NSUN3: variants seen among roughly 807,000 people sequenced by gnomAD.
NSUN3 encodes the protein tRNA (cytosine(34)-C(5))-methyltransferase, mitochondrial.
In NSUN3, 24 loss-of-function variants were observed where a neutral mutation model predicts 36.8. That is an observed-to-expected ratio of 0.65 (90% CI 0.47 to 0.92). NSUN3 has a LOEUF of 0.92. Ranked by LOEUF, NSUN3 falls within the 40% of genes least tolerant of loss-of-function variation. The pLI, the probability that NSUN3 is intolerant of heterozygous loss-of-function variation, is 0.00. For missense variants in NSUN3, 381 were observed against 392.8 expected (o/e 0.97, Z 0.25); for synonymous variants, 146 against 145.2 (o/e 1.01, Z -0.04).
chr3:94,084,520 T>C, intron 3 of NSUN3, 70 bp downstream of exon 3: 1 of 1,192,872 alleles, frequency 8.4e-7, no homozygotes, highest in Non-Finnish European at 1.2e-6. Flanking sequence ...TCTGAAAGTA[T>C]ATATGGGGAG....
chr3:94,119,859 A>G (rs978015059), intron 5 of NSUN3, among the ~76,000 whole-genome samples: 8 of 152,282 alleles, frequency 5.3e-5, no homozygotes, highest in Non-Finnish European at 8.8e-5. Flanking sequence ...TTTTGAGATT[A>G]ACCCAATTTG....
intron 5 of NSUN3, among the ~76,000 whole-genome samples, chr3:94,118,177 G>A (rs1049414158): frequency 6.6e-6 from 1 of 152,012 alleles, no homozygotes; most frequent in Admixed American, 6.6e-5. Context: ...ATTCTACATT[G>A]TAAACATGTA....
At chr3:94,085,877 TA>T (rs1298478757) in intron 3 of NSUN3, among the ~76,000 whole-genome samples, 1 of 152,132 alleles carries the variant, frequency 6.6e-6, no homozygotes, top group Non-Finnish European at 1.5e-5. Flanking sequence ...AAGCACTCTT[TA>T]AGTCCATTTT....
chr3:94,070,944 T>A (rs996087829), intron 2 of NSUN3, among the ~76,000 whole-genome samples: 1 of 152,254 alleles, frequency 6.6e-6, no homozygotes, highest in Non-Finnish European at 1.5e-5. Context: ...TTTGGGGATA[T>A]AACTCCAAAA....
Position 94,130,408 on chromosome 3 carries a change from C to T in NSUN3, c.*3918C>T, listed in dbSNP as rs560315826. ...AAGATAATGAAATCTTGCATAATGT[C>T]TGCATTTTTCCATTGATTGGAGTGC... On this transcript the variant is annotated 3_prime_UTR_variant, in exon 6 of 6. Transcript: ENST00000314622. Among the ~76,000 whole-genome samples the T allele has an allele frequency of 4.9e-4, 75 of 152,218 alleles. No individual in the cohort carries two copies. Among genetic ancestry groups the T allele is most frequent in the Admixed American group, 1.2e-3 (19 of 15,288 alleles).
At chr3:94,121,534 C>A (rs530459780) in intron 5 of NSUN3, among the ~76,000 whole-genome samples, 10 of 152,276 alleles carry the variant, frequency 6.6e-5, no homozygotes, top group Admixed American at 2.6e-4. Context: ...CTTCCTACCG[C>A]AGGATATTTA....
At chr3:94,121,597 T>C (rs2077462239) in intron 5 of NSUN3, among the ~76,000 whole-genome samples, 1 of 152,146 alleles carries the variant, frequency 6.6e-6, no homozygotes, top group South Asian at 2.1e-4. Flanking sequence ...CCTTTTTTGT[T>C]TCCATGGGGA....
intron 5 of NSUN3, among the ~76,000 whole-genome samples, chr3:94,105,512 A>T (rs1396096732): frequency 1.3e-5 from 2 of 152,230 alleles, no homozygotes; most frequent in South Asian, 4.1e-4. Context: ...TTAGGAAAAG[A>T]TGGTCATTTT....
chr3:94,078,254 G>C (rs1560030974), intron 2 of NSUN3, among the ~76,000 whole-genome samples: 1 of 152,184 alleles, frequency 6.6e-6, no homozygotes. Context: ...GCGGTTTTGA[G>C]TGAGTTTCTT....
chr3:94,121,524 C>G (rs1411404422), intron 5 of NSUN3, among the ~76,000 whole-genome samples: 1 of 152,160 alleles, frequency 6.6e-6, no homozygotes, highest in Non-Finnish European at 1.5e-5. Context: ...GGTTTTCATT[C>G]TTCCTACCGC....
intron 3 of NSUN3, among the ~76,000 whole-genome samples, chr3:94,090,954 A>G (rs1284812058): frequency 6.6e-6 from 1 of 152,216 alleles, no homozygotes; most frequent in Non-Finnish European, 1.5e-5. Flanking sequence ...TAAACCAGGA[A>G]GAAATTGTCC....
In NSUN3 at chr3:94,064,382, G is replaced by T. The variant is rs1161021801; in HGVS notation, c.13-55G>T. 4.8e-6 allele frequency: 5 copies of T among 1,038,896 alleles called. No individual in the cohort carries two copies. In the Admixed American group the frequency reaches 8.8e-5, roughly 18 times the overall value. The allele number at this position is 1,038,896 out of a possible 1,614,324, so 64.4% of individuals were successfully genotyped here. A position where few individuals can be genotyped will look rare whatever the true frequency, so the allele number is the denominator to read the frequency against. On this transcript the variant is annotated intron_variant, in intron 1 of 5. Transcript: ENST00000314622. ...AAAAAAAGACCTTGCTAATGTTGACGTTCAGTAAATTTGTAATATCACTGT... is the reference window on the plus strand; with the variant it reads ...AAAAAAAGACCTTGCTAATGTTGACTTTCAGTAAATTTGTAATATCACTGT...
Position 94,126,404 on chromosome 3 carries a change from C to A in NSUN3, c.937C>A (p.Leu313Ile). The A allele has an allele frequency of 2.5e-6, 4 of 1,614,034 alleles. No individual in the cohort carries two copies. Among genetic ancestry groups the A allele is most frequent in the Non-Finnish European group, 3.4e-6 (4 of 1,179,968 alleles). Residue 313 changes from leucine (L) to isoleucine (I), a missense_variant, in exon 6 of 6, where the codon CTC becomes ATC. By Grantham distance (5) the Leu-to-Ile change is conservative. Transcript: ENST00000314622. ...TGCTCCCACTGGCCAGGAATGTGGG[C>A]TCTTAGTGATTCCAGATAAGGGCAA... is the stretch of plus-strand genomic sequence containing the variant. ...TFAPTGQECG[L>I]LVIPDKGKAW...
intron 5 of NSUN3, among the ~76,000 whole-genome samples, chr3:94,114,209 A>G (rs1201561647): frequency 1.3e-5 from 2 of 152,178 alleles, no homozygotes; most frequent in Non-Finnish European, 2.9e-5. Context: ...TCAAATTCCA[A>G]ACTTATTTTA....
At chr3:94,078,725 A>G (rs1457893367) in intron 2 of NSUN3, among the ~76,000 whole-genome samples, 1 of 152,086 alleles carries the variant, frequency 6.6e-6, no homozygotes, top group Non-Finnish European at 1.5e-5. Flanking sequence ...GTTGGTTTAA[A>G]GTCTGTTTTA....
intron 3 of NSUN3, among the ~76,000 whole-genome samples, chr3:94,086,732 A>G (rs2077294153): frequency 6.6e-6 from 1 of 152,254 alleles, no homozygotes; most frequent in Non-Finnish European, 1.5e-5. Context: ...AAGAAATCAC[A>G]GCAAAAATGT....
intron 2 of NSUN3, among the ~76,000 whole-genome samples, chr3:94,073,342 G>A (rs1299802530): frequency 6.6e-6 from 1 of 152,110 alleles, no homozygotes; most frequent in Non-Finnish European, 1.5e-5. Context: ...TGGGTCAAAT[G>A]GTATTTCTAG....
At chr3:94,119,861 C>T (rs578191879) in intron 5 of NSUN3, among the ~76,000 whole-genome samples, 106 of 152,324 alleles carry the variant, frequency 7.0e-4, no homozygotes, top group Non-Finnish European at 1.2e-3. Context: ...TTGAGATTAA[C>T]CCAATTTGTT....
chr3:94,076,278 T>G, intron 2 of NSUN3: 1 of 896,298 alleles, frequency 1.1e-6, no homozygotes, highest in South Asian at 1.3e-5. Context: ...ATTTCTCAGA[T>G]CCCACAAGGC....
Sources: allele counts gnomAD v4.1 joint callset (sites outside exome capture counted in the v4.1 genomes callset), GRCh38; gene constraint gnomAD v4.1.1; transcripts MANE v1.5; gene names NCBI Gene and HGNC (gene_info 2026-07-23, HGNC 2026-07-21).